Variants in AR observed in about 807,000 individuals in gnomAD.
AR encodes dihydrotestosterone receptor.
In AR, 8 loss-of-function variants were observed where a neutral mutation model predicts 53.9. That is an observed-to-expected ratio of 0.15 (90% confidence interval 0.09 to 0.27). The LOEUF is 0.27. Ranked by LOEUF, AR falls within the 10% of genes least tolerant of loss-of-function variation. AR has a pLI of 1.00. For synonymous variants in AR, 359 were observed against 316.4 expected, an observed-to-expected ratio of 1.13 and a Z score of -1.43; for missense variants, 639 against 742.5, an observed-to-expected ratio of 0.86 and a Z score of 1.62.
At chrX:67,632,575 A>G (rs1204971080) in intron 1 of AR, among the ~76,000 whole-genome samples, 1 of 112,102 alleles carries the variant, frequency 8.9e-6, no homozygotes, top group African/African-American at 3.2e-5. Flanking sequence ...GCTACCTCAG[A>G]TGGAAATGCA....
At chrX:67,664,874 T>C (rs1166417508) in intron 2 of AR, among the ~76,000 whole-genome samples, 1 of 112,518 alleles carries the variant, frequency 8.9e-6, no homozygotes, top group African/African-American at 3.2e-5. Flanking sequence ...ACTGCTATAC[T>C]AGCAATGAGC....
At position 67,695,894 on chromosome X, in the gene AR, G is replaced by A. The variant is rs181050140; in HGVS notation, c.1885+9768G>A. Reference sequence around the variant, plus strand: ...AGCAACATTCTGGAGAAAAGCCAAGGAAGGACTTCAGGAGGGGAGTTTCCC... The same window carrying A: ...AGCAACATTCTGGAGAAAAGCCAAGAAAGGACTTCAGGAGGGGAGTTTCCC... On this transcript the variant is annotated intron_variant, in intron 3 of 7. Transcript: ENST00000374690. The A allele has an allele frequency of 1.5e-3, 1,092 of 751,137 alleles. 2 individuals are homozygous for A. Among genetic ancestry groups the A allele is most frequent in the Non-Finnish European group, 1.6e-3 (1,018 of 638,788 alleles). The allele number at this position is 751,137 out of a possible 1,213,427, so 61.9% of individuals were successfully genotyped here. A position where few individuals can be genotyped will look rare whatever the true frequency, so the allele number is the denominator to read the frequency against.
intron 1 of AR, among the ~76,000 whole-genome samples, chrX:67,633,399 G>C (rs1925268617): frequency 9.0e-6 from 1 of 111,717 alleles, no homozygotes; most frequent in African/African-American, 3.2e-5. Flanking sequence ...TTGGTTTTCT[G>C]TTCCTGCTTT....
intron 1 of AR, among the ~76,000 whole-genome samples, chrX:67,565,854 G>A (rs1183835052): frequency 2.7e-5 from 3 of 111,314 alleles, no homozygotes; most frequent in Non-Finnish European, 5.7e-5. Flanking sequence ...TACAATGCCT[G>A]GCTAATTTTT....
chrX:67,666,566 T>A (rs1471606382), intron 2 of AR, among the ~76,000 whole-genome samples: 1 of 111,665 alleles, frequency 9.0e-6, no homozygotes, highest in Non-Finnish European at 1.9e-5. Context: ...TTCTTTAGGG[T>A]GTATACCCAG....
chrX:67,631,171 A>G (rs1925077662), intron 1 of AR, among the ~76,000 whole-genome samples: 1 of 110,662 alleles, frequency 9.0e-6, no homozygotes, highest in South Asian at 3.9e-4. Context: ...TATTTCCTGA[A>G]TCTGAATGTT....
chrX:67,562,356 ATGTGTGTGTGTGTGTGTGTGTGTGTG>A (rs756124629), intron 1 of AR, among the ~76,000 whole-genome samples: 2 of 95,029 alleles, frequency 2.1e-5, no homozygotes, highest in African/African-American at 7.9e-5. Context: ...TATGGTGTAT[ATGTGTGTGTGTGTGTGTGTGTGTGTG>A]TGTGTGTGTG....
At chrX:67,586,942 A>G in intron 1 of AR, among the ~76,000 whole-genome samples, 1 of 112,224 alleles carries the variant, frequency 8.9e-6, no homozygotes, top group Middle Eastern at 4.6e-3. Context: ...TGTTGATTGC[A>G]CTGGCTTGCC....
At chrX:67,568,896 C>A in intron 1 of AR, 2 of 1,204,837 alleles carry the variant, frequency 1.7e-6, no homozygotes, top group Non-Finnish European at 2.2e-6. Context: ...CTTGCCTATG[C>A]AAATGCCTGC....
chrX:67,560,007 A>G (rs1055000921), intron 1 of AR, among the ~76,000 whole-genome samples: 3 of 111,974 alleles, frequency 2.7e-5, no homozygotes, highest in Non-Finnish European at 5.6e-5. Context: ...TCAGTCACCA[A>G]CTATCTAATA....
At chrX:67,671,823 G>A (rs1009565408) in intron 2 of AR, among the ~76,000 whole-genome samples, 7 of 111,735 alleles carry the variant, frequency 6.3e-5, no homozygotes, top group South Asian at 3.7e-4. Flanking sequence ...TGAGGCTAAC[G>A]AGTTTTCCCA....
intron 1 of AR, among the ~76,000 whole-genome samples, chrX:67,609,557 AT>A (rs887474304): frequency 2.7e-5 from 3 of 110,295 alleles, no homozygotes; most frequent in South Asian, 3.8e-4. Flanking sequence ...TTTTAACCTG[AT>A]TTTTTTTCTC....
intron 1 of AR, among the ~76,000 whole-genome samples, chrX:67,561,899 G>T (rs914794149): frequency 9.4e-6 from 1 of 106,353 alleles, no homozygotes; most frequent in Non-Finnish European, 1.9e-5. Context: ...AAGCAATGAG[G>T]ACAGATTACA....
chrX:67,627,468 T>A (rs1464906292), intron 1 of AR, among the ~76,000 whole-genome samples: 3 of 112,105 alleles, frequency 2.7e-5, no homozygotes, highest in African/African-American at 9.7e-5. Flanking sequence ...GCCCACTTTT[T>A]GATGGGGTCG....
At chrX:67,703,182 T>C (rs2076049903) in intron 3 of AR, among the ~76,000 whole-genome samples, 2 of 112,441 alleles carry the variant, frequency 1.8e-5, no homozygotes, top group South Asian at 3.7e-4. Context: ...TCCATTTAAA[T>C]TGAGCAATAA....
At position 67,728,926 on chromosome X, in the gene AR, G is replaced by C. The variant is rs2076169655; in HGVS notation, c.*5085G>C. On this transcript the variant is annotated 3_prime_UTR_variant, in exon 8 of 8. Coordinates refer to ENST00000374690, the MANE Select transcript of AR (RefSeq NM_000044.6). Reference sequence around the variant, plus strand: ...TGGAACTGACTGAGATTTACCACAGGGAAGGCCCAAACTTGGGGCCAAAAG... The same window carrying C: ...TGGAACTGACTGAGATTTACCACAGCGAAGGCCCAAACTTGGGGCCAAAAG... The C allele has an allele frequency of 5.8e-6, 1 of 171,661 alleles. No homozygotes were observed. Among genetic ancestry groups the C allele is most frequent in the African/African-American group, 3.0e-5 (1 of 33,611 alleles). 14.1% of individuals were successfully genotyped at this position (171,661 alleles called of 1,213,427 possible).
chrX:67,722,381 A>G (rs1447866086), intron 6 of AR, among the ~76,000 whole-genome samples: 2 of 111,923 alleles, frequency 1.8e-5, no homozygotes, highest in Non-Finnish European at 3.8e-5. Context: ...GATCTATGTA[A>G]GCAACTCAGA....
intron 1 of AR, among the ~76,000 whole-genome samples, chrX:67,596,623 C>T (rs1923093564): frequency 8.9e-6 from 1 of 111,807 alleles, no homozygotes; most frequent in Non-Finnish European, 1.9e-5. Context: ...ATTTCTCCCA[C>T]ACTGTAAGAA....
intron 4 of AR, among the ~76,000 whole-genome samples, chrX:67,716,868 G>A (rs60959933): frequency 0.022 from 2,484 of 111,854 alleles, 76 homozygotes; most frequent in African/African-American, 0.076. Flanking sequence ...TCTTTGGAAA[G>A]GTGAAGTGAT....
Sources: gnomAD v4.1 joint callset for allele counts (sites outside exome capture counted in the v4.1 genomes callset) on GRCh38, gnomAD v4.1.1 for gene constraint, MANE v1.5 for transcripts, NCBI Gene and HGNC (gene_info 2026-07-23, HGNC 2026-07-21) for gene names.